Variants in STRIP2 observed in about 807,000 individuals in gnomAD.
STRIP2 encodes the protein striatin-interacting protein 2.
Under a neutral mutation model 107.1 loss-of-function variants are expected in STRIP2, and 84 were observed. The ratio of observed to expected loss-of-function variants is 0.78; its 90% CI spans 0.66 to 0.94. The LOEUF is 0.94. STRIP2 is among the 40% of genes least tolerant of loss of function. The pLI, the probability that STRIP2 is intolerant of heterozygous loss-of-function variation, is 0.00. For missense variants in STRIP2, 888 were observed against 1,034.2 expected (o/e 0.86, Z 1.94); for synonymous variants, 394 against 400.4 (o/e 0.98, Z 0.19).
rs550953311 is a variant in STRIP2 at position 129,474,353 on chromosome 7, A to G, written c.1944+3638A>G. 5.9e-5 allele frequency among the ~76,000 whole-genome samples: 9 copies of G among 152,264 alleles called. No homozygotes were observed. The East Asian group carries it at 1.5e-3, about 26-fold the overall frequency. ...TTTTTTAGAGATAAAATCTCCCTAG[A>G]GACAGAATCTCCCTATTTTGTCCAG... On this transcript the variant is annotated intron_variant, in intron 18 of 20. Coordinates refer to ENST00000249344, the MANE Select transcript of STRIP2 (RefSeq NM_020704.3).
At position 129,461,980 on chromosome 7, in the gene STRIP2, G is replaced by A. The variant is rs1192903775; in HGVS notation, c.1477-986G>A. On this transcript the variant is annotated intron_variant, in intron 13 of 20. Coordinates refer to ENST00000249344, the MANE Select transcript of STRIP2 (RefSeq NM_020704.3). This position sits in a 1 kb window ranked among gnomAD's most constrained non-coding sequence, Gnocchi z 4.0. ...ACTGGCCTTTGTTAGAAGCACAGGC[G>A]GTTCATCCTTCATGTCAAGAAGGAA... Among the ~76,000 whole-genome samples the A allele has an allele frequency of 3.3e-5, 5 of 152,120 alleles. No homozygotes were observed. Among genetic ancestry groups the A allele is most frequent in the African/African-American group, 7.2e-5 (3 of 41,408 alleles).
rs1433030036 is a variant in STRIP2 at position 129,483,399 on chromosome 7, TAAAC to T, written c.2254+359_2254+362del. 79 of 854,044 alleles carry T rather than the reference TAAAC, an allele frequency of 9.3e-5. No individual in the cohort carries two copies. The highest frequency in any genetic ancestry group is 6.9e-4 in the South Asian group (15 of 21,838). The allele number at this position is 854,044 out of a possible 1,614,324, so 52.9% of individuals were successfully genotyped here. On this transcript the variant is annotated intron_variant, in intron 20 of 20. Coordinates refer to ENST00000249344, the MANE Select transcript of STRIP2 (RefSeq NM_020704.3). This position sits in a 1 kb window ranked among gnomAD's most constrained non-coding sequence, Gnocchi z 5.1. Reference sequence around the variant, plus strand: ...TAGAAAAAAAGATAGAAAATACAAGTAAACAAACATTTTACTATATTATATTTAT... The same window carrying T: ...TAGAAAAAAAGATAGAAAATACAAGTAAACATTTTACTATATTATATTTAT...
intron 17 of STRIP2, among the ~76,000 whole-genome samples, chr7:129,468,330 T>C (rs111939888): frequency 2.0e-3 from 310 of 152,306 alleles, no homozygotes; most frequent in Non-Finnish European, 3.7e-3. Flanking sequence ...AGCCTACTTA[T>C]ATGTAGCTTA....
chr7:129,445,042 GC>G (rs1797998638), intron 3 of STRIP2, among the ~76,000 whole-genome samples: 2 of 152,280 alleles, frequency 1.3e-5, no homozygotes, highest in African/African-American at 4.8e-5. Context: ...TTTGCATTCA[GC>G]AAGCAGCTTG....
At position 129,440,901 on chromosome 7, in the gene STRIP2, G is replaced by C. The variant is rs1394967738; in HGVS notation, c.199+810G>C. On this transcript the variant is annotated intron_variant, in intron 2 of 20. Transcript: ENST00000249344. ...GAGAAAAGAGACAAACAATTTTAAA[G>C]ACGTTCTTGTGCATGAGCACAGAGA... Among the ~76,000 whole-genome samples, 8 of 152,282 alleles carry C rather than the reference G, an allele frequency of 5.3e-5. No individual in the cohort carries two copies. In the East Asian group the frequency reaches 1.2e-3, roughly 22 times the overall value.
At chr7:129,447,658 G>GGA (rs1798073339) in intron 3 of STRIP2, among the ~76,000 whole-genome samples, 2 of 152,348 alleles carry the variant, frequency 1.3e-5, no homozygotes, top group South Asian at 4.1e-4. Flanking sequence ...TGCTGTCCCA[G>GGA]CCAGCTGCAG....
intron 18 of STRIP2, among the ~76,000 whole-genome samples, chr7:129,471,303 G>A (rs907248693): frequency 6.6e-6 from 1 of 152,112 alleles, no homozygotes; most frequent in African/African-American, 2.4e-5. Flanking sequence ...TACTGAAGAT[G>A]AGGTATCTAC....
chr7:129,486,629 C>G lies in STRIP2; in HGVS notation c.*800C>G, dbSNP rs1799248506. 6.6e-6 allele frequency: 1 copy of G among 152,106 alleles called. No homozygotes were observed. The highest frequency in any genetic ancestry group is 2.4e-5 in the African/African-American group (1 of 41,414). 9.4% of individuals were successfully genotyped at this position (152,106 alleles called of 1,614,324 possible). A position where few individuals can be genotyped will look rare whatever the true frequency, so the allele number is the denominator to read the frequency against. On this transcript the variant is annotated 3_prime_UTR_variant, in exon 21 of 21. Transcript: ENST00000249344. Reference sequence around the variant, plus strand: ...GCTGAGCATACTGCAGAAAATTATCCTTTTCATCTAATTCATTTTTTAAAT... The same window carrying G: ...GCTGAGCATACTGCAGAAAATTATCGTTTTCATCTAATTCATTTTTTAAAT...
chr7:129,464,699 G>A lies in STRIP2; in HGVS notation c.1737G>A (p.Leu579=). ...TAAAGAGTATCTCTACCCTGCTTCT[G>A]CTACTCCTCAAACACTTCAAACTCA... The part of the protein sequence containing the change: ...IIVKSISTLL[L]LLLKHFKLNH... The change falls in exon 16 of 21, where the codon CTG becomes CTA. Residue 579 remains leucine (L), a synonymous_variant. Transcript: ENST00000249344. 2 of 1,614,150 alleles carry A rather than the reference G, an allele frequency of 1.2e-6. No homozygotes were observed. The highest frequency in any genetic ancestry group is 1.7e-6 in the Non-Finnish European group (2 of 1,180,024).
intron 18 of STRIP2, among the ~76,000 whole-genome samples, chr7:129,478,606 A>G: frequency 6.6e-6 from 1 of 152,234 alleles, no homozygotes; most frequent in South Asian, 2.1e-4. Flanking sequence ...GCAATACAAT[A>G]TTAGGTAACC....
At chr7:129,455,184 T>C in intron 7 of STRIP2, 60 bp from the exon 8 acceptor site, 2 of 1,555,132 alleles carry the variant, frequency 1.3e-6, no homozygotes, top group Non-Finnish European at 1.7e-6. Flanking sequence ...CAGGGTTACA[T>C]GAAAAAGGTT....
At chr7:129,451,309 G>A (rs946746088) in intron 3 of STRIP2, among the ~76,000 whole-genome samples, 28 of 152,086 alleles carry the variant, frequency 1.8e-4, no homozygotes, top group African/African-American at 6.8e-4. Context: ...CTGTAAGGAT[G>A]ACTAGGAATT....
At chr7:129,441,842 C>G (rs1797906868) in intron 2 of STRIP2, among the ~76,000 whole-genome samples, 2 of 152,208 alleles carry the variant, frequency 1.3e-5, no homozygotes, top group Non-Finnish European at 2.9e-5. Flanking sequence ...TCCTGAACTC[C>G]TGGGCTCAAG....
In STRIP2 at chr7:129,434,778, C is replaced by T. The variant is rs79705157; in HGVS notation, c.129+177C>T. On this transcript the variant is annotated intron_variant, in intron 1 of 20. Coordinates refer to ENST00000249344, the MANE Select transcript of STRIP2 (RefSeq NM_020704.3). ...GGGCTCTTTGGCCCGGACCAGTGTC[C>T]GCCCGTCTCCTGCCGCGGGTTGGGG... 1.3e-3 allele frequency among the ~76,000 whole-genome samples: 203 copies of T among 152,384 alleles called. 3 individuals are homozygous for T. The East Asian group carries it at 0.026, about 19-fold the overall frequency.
Position 129,434,496 on chromosome 7 carries a change from G to T in STRIP2, c.24G>T (p.Gly8=). The T allele has an allele frequency of 6.6e-7, 1 of 1,517,162 alleles. No homozygotes were observed. 94.0% of individuals were successfully genotyped at this position (1,517,162 alleles called of 1,614,324 possible). MEDPAAP[G]TGGPPANGNG... ...GCATGGAGGACCCCGCCGCGCCTGGGACCGGGGGCCCGCCCGCAAATGGCA... is the reference window on the plus strand; with the variant it reads ...GCATGGAGGACCCCGCCGCGCCTGGTACCGGGGGCCCGCCCGCAAATGGCA... Residue 8 remains glycine, a synonymous_variant, in exon 1 of 21, where the codon GGG becomes GGT. Coordinates refer to ENST00000249344, the MANE Select transcript of STRIP2 (RefSeq NM_020704.3).
intron 18 of STRIP2, among the ~76,000 whole-genome samples, chr7:129,477,269 C>G (rs1798995684): frequency 7.0e-6 from 1 of 143,776 alleles, no homozygotes; most frequent in Non-Finnish European, 1.5e-5. Context: ...ACTTTCCGTA[C>G]TTATGAGTAC....
intron 4 of STRIP2, among the ~76,000 whole-genome samples, 172 bp downstream of exon 4, chr7:129,451,919 T>C (rs1225904771): frequency 6.6e-6 from 1 of 152,174 alleles, no homozygotes; most frequent in Non-Finnish European, 1.5e-5. Flanking sequence ...GATGAGATAG[T>C]GTTGAGTGCT....
In STRIP2 at chr7:129,486,860, A is replaced by G. The variant is rs1444724900; in HGVS notation, c.*1031A>G. 1 of 152,112 alleles carries G rather than the reference A, an allele frequency of 6.6e-6. No homozygotes were observed. The highest frequency in any genetic ancestry group is 1.5e-5 in the Non-Finnish European group (1 of 68,032). The allele number at this position is 152,112 out of a possible 1,614,324, so 9.4% of individuals were successfully genotyped here. On this transcript the variant is annotated 3_prime_UTR_variant, in exon 21 of 21. Coordinates refer to ENST00000249344, the MANE Select transcript of STRIP2 (RefSeq NM_020704.3). ...ATTTAGCAATACTGTCTCTACTTAA[A>G]AGTATTGCACATTTCATTGAAAATG... is the stretch of plus-strand genomic sequence containing the variant.
chr7:129,470,866 GT>G, intron 18 of STRIP2, 151 bp downstream of exon 18: 1 of 666,384 alleles, frequency 1.5e-6, no homozygotes, highest in Non-Finnish European at 2.7e-6. Flanking sequence ...TGCAGCAGGG[GT>G]TTAGAGTTGC....
Sources: gnomAD v4.1 joint callset for allele counts (sites outside exome capture counted in the v4.1 genomes callset) on GRCh38, gnomAD v4.1.1 for gene constraint, Gnocchi (gnomAD v3.1) non-coding constraint, MANE v1.5 for transcripts, NCBI Gene and HGNC (gene_info 2026-07-23, HGNC 2026-07-21) for gene names.